SNAPC4: variants seen among roughly 807,000 people sequenced by gnomAD.
SNAPC4 encodes the protein snRNA-activating protein complex subunit 4.
In SNAPC4, 127 loss-of-function variants were observed where a neutral mutation model predicts 151.3. The ratio of observed to expected loss-of-function variants is 0.84; its 90% confidence interval spans 0.73 to 0.97. The LOEUF is 0.97. Among genes scored for constraint, SNAPC4 ranks in the 50% least tolerant of loss-of-function variants. The pLI is 0.00. For synonymous variants in SNAPC4, 1,002 were observed against 824.4 expected (o/e 1.22, Z -3.69); for missense variants, 2,186 against 1,935.0 (o/e 1.13, Z -2.43).
In SNAPC4 at chr9:136,378,673, G is replaced by A. The variant is rs759263968; in HGVS notation, c.3154C>T (p.Pro1052Ser). The change falls in exon 22 of 24, where the codon CCA becomes TCA. Residue 1052 changes from proline (P) to serine (S), a missense_variant. Transcript: ENST00000684778. ...AGGCTGAGGGGCTGGACGGGCAGTG[G>A]GGTGGGGCTGGGGGCTGCGGGGAGA... Reference protein sequence around the residue: ...PFLPAAPSPTPLPVQPLSLTH... With the variant: ...PFLPAAPSPTSLPVQPLSLTH... The A allele has an allele frequency of 1.3e-6, 2 of 1,504,686 alleles. No homozygotes were observed. Among genetic ancestry groups the A allele is most frequent in the Non-Finnish European group, 1.8e-6 (2 of 1,128,236 alleles). 93.2% of individuals were successfully genotyped at this position (1,504,686 alleles called of 1,614,324 possible).
intron 18 of SNAPC4, among the ~76,000 whole-genome samples, 158 bp from the exon 19 acceptor site, chr9:136,381,550 C>T (rs1047165130): frequency 1.3e-5 from 2 of 152,198 alleles, no homozygotes; most frequent in African/African-American, 2.4e-5. Flanking sequence ...CCCACAGCCA[C>T]GCCTGGACAA....
Position 136,394,138 on chromosome 9 carries a change from G to T in SNAPC4, c.632+111C>A. The T allele has an allele frequency of 5.7e-6, 5 of 882,602 alleles. No homozygotes were observed. In the South Asian group the frequency reaches 6.6e-5, roughly 12 times the overall value. The allele number at this position is 882,602 out of a possible 1,614,324, so 54.7% of individuals were successfully genotyped here. A position where few individuals can be genotyped will look rare whatever the true frequency, so the allele number is the denominator to read the frequency against. ...TCACCATGTTGCCCAGGCTGGGCTT[G>T]AACTGGGTTCAAGAGATCCTCCTGC... On this transcript the variant is annotated intron_variant, in intron 7 of 23. Coordinates refer to ENST00000684778, the MANE Select transcript of SNAPC4 (RefSeq NM_003086.4).
intron 10 of SNAPC4, among the ~76,000 whole-genome samples, chr9:136,390,813 G>A (rs1834045239): frequency 6.6e-6 from 1 of 151,332 alleles, no homozygotes; most frequent in African/African-American, 2.4e-5. Context: ...ATACATAGAA[G>A]AAAAACCGAT....
chr9:136,380,826 A>G lies in SNAPC4; in HGVS notation c.2413T>C (p.Cys805Arg). 1.2e-6 allele frequency: 2 copies of G among 1,610,880 alleles called. No homozygotes were observed. The highest frequency in any genetic ancestry group is 1.7e-6 in the Non-Finnish European group (2 of 1,178,088). Reference sequence around the variant, plus strand: ...TTCCTCTCTCGGACGACCTCCAAGCAGCCGGCAGTATCGATGTGGAACAGC... The same window carrying G: ...TTCCTCTCTCGGACGACCTCCAAGCGGCCGGCAGTATCGATGTGGAACAGC... ...TQLFHIDTAG[C>R]LEVVRERKAL... Residue 805 changes from cysteine (C) to arginine (R), a missense_variant, in exon 20 of 24, where the codon TGC (cysteine) becomes CGC (arginine). Cys to Arg is a radical substitution (Grantham distance 180, BLOSUM62 -3). Transcript: ENST00000684778.
At chr9:136,395,212 A>G in intron 5 of SNAPC4, 86 bp downstream of exon 5, 1 of 1,502,554 alleles carries the variant, frequency 6.7e-7, no homozygotes, top group South Asian at 1.3e-5. Flanking sequence ...ACAGGAATTC[A>G]CGACTCCCTG....
Position 136,384,812 on chromosome 9 carries a change from T to C in SNAPC4, c.1328A>G (p.Tyr443Cys), listed in dbSNP as rs1361947952. The C allele has an allele frequency of 1.9e-6, 3 of 1,563,262 alleles. No homozygotes were observed. Among genetic ancestry groups the C allele is most frequent in the Admixed American group, 1.8e-5 (1 of 54,510 alleles). The change falls in exon 14 of 24, where the codon TAT (tyrosine) becomes TGT (cysteine). Residue 443 changes from tyrosine to cysteine, a missense_variant and splice_region_variant. Physicochemically the swap from Tyr to Cys is radical, Grantham distance 194. Transcript: ENST00000684778. The stretch of plus-strand genomic sequence containing the variant: ...CAAGCTGAAATGTAATCTCCTGAGA[T>C]ACCTGAACGTGACATGAAAAGCAAA... Reference protein sequence around the residue: ...GRSDAQCRDRYLRRLHFSLKK... With the variant: ...GRSDAQCRDRCLRRLHFSLKK...
chr9:136,378,508 C>A lies in SNAPC4; in HGVS notation c.3319G>T (p.Gly1107Trp). 1 of 1,592,020 alleles carries A rather than the reference C, an allele frequency of 6.3e-7. No individual in the cohort carries two copies. The highest frequency in any genetic ancestry group is 8.5e-7 in the Non-Finnish European group (1 of 1,174,926). Residue 1107 changes from glycine (G) to tryptophan (W), a missense_variant, in exon 22 of 24, where the codon GGG becomes TGG. Transcript: ENST00000684778. ...GGAGGCAGCAGAGTGGCCAGCAGCC[C>A]TGCGGGGCCAGGGGTCCCTGCTGGC... ...PRPAGTPGPA[G>W]LLATLLPPLT...
chr9:136,393,812 C>A (rs969113715), intron 7 of SNAPC4, among the ~76,000 whole-genome samples: 1 of 152,258 alleles, frequency 6.6e-6, no homozygotes, highest in African/African-American at 2.4e-5. Context: ...ATGAGCATCT[C>A]TCCATGGCCT....
At position 136,379,099 on chromosome 9, in the gene SNAPC4, C is replaced by A; in HGVS notation, c.2728G>T (p.Ala910Ser). ...KRLQEARARE[A>S]TRGPVVLPSQ... ...GGGAGCACCACCGGGCCCCGGGTGG[C>A]CTCCCTGGCACGGGCCTCCTGAAGC... The change falls in exon 22 of 24, where the codon GCC becomes TCC. Residue 910 changes from alanine (A) to serine (S), a missense_variant. Ala to Ser is a moderately conservative substitution (Grantham distance 99). Transcript: ENST00000684778. 1 of 1,562,354 alleles carries A rather than the reference C, an allele frequency of 6.4e-7. No individual in the cohort carries two copies. Among genetic ancestry groups the A allele is most frequent in the Admixed American group, 1.9e-5 (1 of 51,572 alleles).
Position 136,398,353 on chromosome 9 carries a change from A to T in SNAPC4, c.76T>A (p.Ser26Thr), listed in dbSNP as rs147161972. 5.0e-6 allele frequency: 8 copies of T among 1,613,790 alleles called. No homozygotes were observed. In the African/African-American group the frequency reaches 6.7e-5, roughly 13 times the overall value. The change falls in exon 2 of 24, where the codon TCG (serine) becomes ACG (threonine). Residue 26 changes from serine to threonine, a missense_variant. By Grantham distance (58) the Ser-to-Thr change is moderately conservative. Coordinates refer to ENST00000684778, the MANE Select transcript of SNAPC4 (RefSeq NM_003086.4). ...ELERILDPGS[S>T]GSHVEISESS... is the part of the protein sequence containing the mutation. ...TCTGAGATCTCCACGTGGGAGCCCG[A>T]GGAGCCGGGATCCAAAATCCTTTCC...
At chr9:136,397,112 G>A in intron 2 of SNAPC4, 89 bp from the exon 3 acceptor site, 2 of 1,135,778 alleles carry the variant, frequency 1.8e-6, no homozygotes, top group South Asian at 2.5e-5. Context: ...GGGCAGACCT[G>A]GGGTTGTGAG....
chr9:136,384,837 A>G (rs1382308198), intron 13 of SNAPC4, 23 bp from the exon 14 acceptor site: 2 of 1,384,276 alleles, frequency 1.4e-6, no homozygotes, highest in Non-Finnish European at 2.0e-6. Context: ...TGAAAAGCAA[A>G]GAACGTTTTA....
At chr9:136,390,977 G>GGC (rs1834053183) in intron 10 of SNAPC4, among the ~76,000 whole-genome samples, 1 of 152,068 alleles carries the variant, frequency 6.6e-6, no homozygotes, top group African/African-American at 2.4e-5. Context: ...TGGGACTACA[G>GGC]ATGCCCGCCA....
rs772828540 is a variant in SNAPC4, at chr9:136,378,153, G to A, written c.3674C>T (p.Pro1225Leu). The change falls in exon 22 of 24, where the codon CCC (proline) becomes CTC (leucine). Residue 1225 changes from proline to leucine, a missense_variant. Physicochemically the swap from Pro to Leu is moderately conservative, Grantham distance 98 (BLOSUM62 -3). Coordinates refer to ENST00000684778, the MANE Select transcript of SNAPC4 (RefSeq NM_003086.4). Reference sequence around the variant, plus strand: ...CCCCCTGGGCTCCTGTGTCCCTGAGGGGGACCCCGGCGTCCCCCTTGGCTC... The same window carrying A: ...CCCCCTGGGCTCCTGTGTCCCTGAGAGGGACCCCGGCGTCCCCCTTGGCTC... ...ATEPRGTPGS[P>L]SGTQEPRGPL... The A allele has an allele frequency of 2.4e-5, 38 of 1,610,400 alleles. No homozygotes were observed. Among genetic ancestry groups the A allele is most frequent in the Non-Finnish European group, 3.1e-5 (37 of 1,179,300 alleles).
At chr9:136,399,216 C>G (rs747596822) in intron 1 of SNAPC4, among the ~76,000 whole-genome samples, 6 of 152,248 alleles carry the variant, frequency 3.9e-5, no homozygotes, top group Non-Finnish European at 8.8e-5. Flanking sequence ...CGCCCTCCCC[C>G]GTCCTTGGCG....
chr9:136,380,969 G>C (rs1486110678), intron 19 of SNAPC4, 119 bp from the exon 20 acceptor site: 4 of 635,630 alleles, frequency 6.3e-6, no homozygotes, highest in Non-Finnish European at 1.1e-5. Flanking sequence ...TGAGACCTCA[G>C]CCTTCCTGCC....
At chr9:136,396,027 G>A (rs1283168265) in intron 3 of SNAPC4, among the ~76,000 whole-genome samples, 3 of 152,252 alleles carry the variant, frequency 2.0e-5, no homozygotes, top group East Asian at 1.9e-4. Context: ...CCTGGAACAC[G>A]CCAGGGCTGC....
intron 22 of SNAPC4, among the ~76,000 whole-genome samples, chr9:136,377,001 G>A (rs1035855162): frequency 2.6e-5 from 4 of 152,214 alleles, no homozygotes; most frequent in African/African-American, 9.6e-5. Flanking sequence ...GGCACCAGGG[G>A]AGGAGGCCTC....
At chr9:136,396,479 C>T (rs972877462) in intron 3 of SNAPC4, among the ~76,000 whole-genome samples, 4 of 152,140 alleles carry the variant, frequency 2.6e-5, no homozygotes, top group African/African-American at 9.7e-5. Flanking sequence ...TGCAGTGGTG[C>T]AATCACAGCT....
Sources: allele counts gnomAD v4.1 joint callset (sites outside exome capture counted in the v4.1 genomes callset), GRCh38; gene constraint gnomAD v4.1.1; transcripts MANE v1.5; gene names NCBI Gene and HGNC (gene_info 2026-07-23, HGNC 2026-07-21).